Variants in PITPNC1 observed in about 807,000 individuals in gnomAD.
The protein encoded by PITPNC1 is cytoplasmic phosphatidylinositol transfer protein 1.
In PITPNC1, 18 loss-of-function variants were observed where a neutral mutation model predicts 44.7. That is an observed-to-expected ratio of 0.40 (90% CI 0.28 to 0.60). The LOEUF is 0.60. PITPNC1 is among the 20% of genes least tolerant of loss of function. The pLI is 0.39. For synonymous variants in PITPNC1, 141 were observed against 149.6 expected, an observed-to-expected ratio of 0.94 and a Z score of 0.42; for missense variants, 290 against 418.4, an observed-to-expected ratio of 0.69 and a Z score of 2.68.
At chr17:67,409,299 T>C (rs1232120552) in intron 1 of PITPNC1, among the ~76,000 whole-genome samples, 1 of 151,060 alleles carries the variant, frequency 6.6e-6, no homozygotes, top group Non-Finnish European at 1.5e-5. Flanking sequence ...TTAGCCAGGA[T>C]GGTCTCGATC....
chr17:67,606,374 T>C (rs894963161), intron 5 of PITPNC1, among the ~76,000 whole-genome samples: 1 of 152,206 alleles, frequency 6.6e-6, no homozygotes, highest in Non-Finnish European at 1.5e-5. Flanking sequence ...GACCCTTTTT[T>C]TACCCAGACC....
At chr17:67,665,180 T>G (rs1598956068) in intron 6 of PITPNC1, among the ~76,000 whole-genome samples, 1 of 152,092 alleles carries the variant, frequency 6.6e-6, no homozygotes, top group East Asian at 1.9e-4. Context: ...GCAGCCTCAA[T>G]TTCCTGGGCT....
chr17:67,685,510 G>T (rs2042797791), intron 8 of PITPNC1, among the ~76,000 whole-genome samples: 1 of 152,182 alleles, frequency 6.6e-6, no homozygotes, highest in Non-Finnish European at 1.5e-5. Context: ...CAAACCACAT[G>T]ATGCAGAAAA....
chr17:67,568,756 G>C lies in PITPNC1; in HGVS notation c.295-9430G>C, dbSNP rs2144208384. On this transcript the variant is annotated intron_variant, in intron 4 of 8. Coordinates refer to ENST00000581322, the MANE Select transcript of PITPNC1 (RefSeq NM_012417.4). The stretch of plus-strand genomic sequence containing the variant: ...TTACTGAAAGCGAGGCATCGGGAGA[G>C]AGGCCTGGAATCTGTTTTTAACAAG... Among the ~76,000 whole-genome samples, 3 of 152,286 alleles carry C rather than the reference G, an allele frequency of 2.0e-5. No individual in the cohort carries two copies. In the East Asian group the frequency reaches 5.8e-4, roughly 29 times the overall value.
intron 1 of PITPNC1, among the ~76,000 whole-genome samples, chr17:67,399,374 A>G (rs2038274019): frequency 6.6e-6 from 1 of 152,102 alleles, no homozygotes; most frequent in Admixed American, 6.6e-5. Flanking sequence ...GCTGGGCACT[A>G]GCTTCATCTT....
At chr17:67,583,865 TTGTGTGTGTGTG>T (rs771258752) in intron 5 of PITPNC1, among the ~76,000 whole-genome samples, 5 of 118,346 alleles carry the variant, frequency 4.2e-5, no homozygotes, top group African/African-American at 6.3e-5. Context: ...CTGGCTAATT[TTGTGTGTGTGTG>T]TGTGTGTGTG....
At chr17:67,422,372 T>C (rs1237388534) in intron 1 of PITPNC1, among the ~76,000 whole-genome samples, 1 of 152,170 alleles carries the variant, frequency 6.6e-6, no homozygotes, top group East Asian at 1.9e-4. Flanking sequence ...ATTTCAACTC[T>C]CTAAGCTTCA....
intron 6 of PITPNC1, among the ~76,000 whole-genome samples, chr17:67,664,670 G>A (rs35804086): frequency 0.34 from 51,051 of 151,964 alleles, 10,449 homozygotes; most frequent in Non-Finnish European, 0.46. Flanking sequence ...TCGGGAGGTC[G>A]AGGCGGGCAG....
At chr17:67,481,817 C>G (rs183576500) in intron 1 of PITPNC1, among the ~76,000 whole-genome samples, 3 of 151,764 alleles carry the variant, frequency 2.0e-5, no homozygotes, top group Admixed American at 2.0e-4. Context: ...TGGACACTGC[C>G]TTCCAGGGAT....
rs1568037516 is a variant in PITPNC1 at position 67,552,297 on chromosome 17, T to C, written c.238T>C (p.Phe80Leu). 6.2e-7 allele frequency: 1 copy of C among 1,607,268 alleles called. No individual in the cohort carries two copies. Among genetic ancestry groups the C allele is most frequent in the Non-Finnish European group, 8.5e-7 (1 of 1,173,814 alleles). ...SWARAVVPKI[F>L]YVTEKAWNYY... ...GGCTAGAGCTGTTGTCCCCAAAATA[T>C]TTTATGTGACAGAGAAGGCTTGGAA... The change falls in exon 3 of 9, where the codon TTT becomes CTT. Residue 80 changes from phenylalanine (F) to leucine (L), a missense_variant. Phe to Leu is a conservative substitution (Grantham distance 22, BLOSUM62 0). Coordinates refer to ENST00000581322, the MANE Select transcript of PITPNC1 (RefSeq NM_012417.4).
At chr17:67,617,006 G>A (rs2041766890) in intron 5 of PITPNC1, among the ~76,000 whole-genome samples, 1 of 152,126 alleles carries the variant, frequency 6.6e-6, no homozygotes, top group African/African-American at 2.4e-5. Context: ...TCCACCATCG[G>A]CCGGTCTGAA....
At chr17:67,614,900 G>A (rs974680469) in intron 5 of PITPNC1, among the ~76,000 whole-genome samples, 3 of 151,960 alleles carry the variant, frequency 2.0e-5, no homozygotes, top group Non-Finnish European at 4.4e-5. Context: ...ATTGATTCAC[G>A]AGAGTATATG....
chr17:67,449,649 A>G (rs1240771232), intron 1 of PITPNC1, among the ~76,000 whole-genome samples: 1 of 152,218 alleles, frequency 6.6e-6, no homozygotes, highest in African/African-American at 2.4e-5. Flanking sequence ...GAATCTAGAC[A>G]TCTCGGAGAA....
intron 6 of PITPNC1, among the ~76,000 whole-genome samples, chr17:67,655,199 C>T (rs748410910): frequency 2.3e-4 from 35 of 152,188 alleles, no homozygotes; most frequent in African/African-American, 6.5e-4. Context: ...TCATAGATGG[C>T]GCCCCTCTCA....
intron 1 of PITPNC1, among the ~76,000 whole-genome samples, chr17:67,512,563 C>G (rs2040202557): frequency 6.7e-6 from 1 of 150,322 alleles, no homozygotes; most frequent in Non-Finnish European, 1.5e-5. Context: ...CTGTTAGGCT[C>G]TATCCTGTGT....
intron 1 of PITPNC1, among the ~76,000 whole-genome samples, chr17:67,531,412 G>C (rs2040459783): frequency 6.6e-6 from 1 of 152,152 alleles, no homozygotes; most frequent in Non-Finnish European, 1.5e-5. Flanking sequence ...GAGGGGCGTG[G>C]CACAGATAGG....
intron 1 of PITPNC1, among the ~76,000 whole-genome samples, chr17:67,484,927 G>C (rs1207521048): frequency 6.6e-6 from 1 of 151,862 alleles, no homozygotes; most frequent in Non-Finnish European, 1.5e-5. Context: ...GACAGAGCGA[G>C]ACTCCATCTC....
At chr17:67,421,503 G>A (rs918876399) in intron 1 of PITPNC1, among the ~76,000 whole-genome samples, 1 of 152,104 alleles carries the variant, frequency 6.6e-6, no homozygotes, top group African/African-American at 2.4e-5. Context: ...GGCTGGTCTT[G>A]AACTCCTGAC....
chr17:67,387,982 A>G (rs191008306), intron 1 of PITPNC1, among the ~76,000 whole-genome samples: 25 of 152,340 alleles, frequency 1.6e-4, no homozygotes, highest in Admixed American at 4.6e-4. Flanking sequence ...TGTGGCTGCC[A>G]TACTGGACAG....
Sources: gnomAD v4.1 joint callset for allele counts (sites outside exome capture counted in the v4.1 genomes callset) on GRCh38, gnomAD v4.1.1 for gene constraint, MANE v1.5 for transcripts, NCBI Gene and HGNC (gene_info 2026-07-23, HGNC 2026-07-21) for gene names.